The following LARGE1 variants were observed in gnomAD, a reference collection of about 807,000 sequenced individuals.
The protein encoded by LARGE1 is xylosyl- and glucuronyltransferase LARGE1.
LARGE1 carries 43 observed loss-of-function variants against 87.6 expected under a neutral mutation model. The ratio of observed to expected loss-of-function variants is 0.49; its 90% confidence interval spans 0.38 to 0.63. The LOEUF is 0.63. LARGE1 is among the 30% of genes least tolerant of loss of function. LARGE1 has a pLI of 0.00. For missense variants in LARGE1, 802 were observed against 1,000.2 expected (o/e 0.80, Z 2.67); for synonymous variants, 434 against 394.6 (o/e 1.10, Z -1.18).
intron 4 of LARGE1, among the ~76,000 whole-genome samples, chr22:33,610,894 C>T (rs184937478): frequency 6.6e-6 from 1 of 152,318 alleles, no homozygotes; most frequent in Non-Finnish European, 1.5e-5. Context: ...GTTCCAGCCT[C>T]AGCCCAAAGG....
At chr22:33,672,335 C>T (rs1450625728) in intron 2 of LARGE1, among the ~76,000 whole-genome samples, 1 of 152,222 alleles carries the variant, frequency 6.6e-6, no homozygotes, top group African/African-American at 2.4e-5. Flanking sequence ...TTAACCCTTC[C>T]ACCTCATTCC....
intron 2 of LARGE1, chr22:33,725,707 C>A (rs1424818342): frequency 6.6e-6 from 1 of 152,202 alleles, no homozygotes; most frequent in African/African-American, 2.4e-5. Flanking sequence ...GAACATCAGG[C>A]TTACATTTTC....
intron 4 of LARGE1, among the ~76,000 whole-genome samples, chr22:33,612,254 C>A (rs932748642): frequency 6.6e-6 from 1 of 152,166 alleles, no homozygotes; most frequent in Non-Finnish European, 1.5e-5. Context: ...CAGACACCCA[C>A]CACCATGCCC....
At chr22:33,476,679 T>C (rs966294070) in intron 6 of LARGE1, among the ~76,000 whole-genome samples, 4 of 152,042 alleles carry the variant, frequency 2.6e-5, no homozygotes, top group African/African-American at 7.3e-5. Flanking sequence ...TTTTTGGTTC[T>C]CTTCCCTATC....
At chr22:33,538,956 T>A (rs75657131) in intron 6 of LARGE1, among the ~76,000 whole-genome samples, 2,543 of 152,250 alleles carry the variant, frequency 0.017, 25 homozygotes, top group Middle Eastern at 0.034. Context: ...TGAAAATAAT[T>A]CAGTGGATCT....
chr22:33,802,353 C>T (rs993666253), intron 1 of LARGE1, among the ~76,000 whole-genome samples: 2 of 152,170 alleles, frequency 1.3e-5, no homozygotes, highest in Admixed American at 1.3e-4. Flanking sequence ...CTGAATGTTC[C>T]AGACTAGACA....
At position 33,565,899 on chromosome 22, in the gene LARGE1, C is replaced by T. The variant is rs113262754; in HGVS notation, c.616-880G>A. The stretch of plus-strand genomic sequence containing the variant: ...AATAAAAGCACCAGTGTGATGAAAG[C>T]TCTCATCTATGCACAGTCATTTATG... On this transcript the variant is annotated intron_variant, in intron 5 of 14. Transcript: ENST00000397394. Among the ~76,000 whole-genome samples the T allele has an allele frequency of 9.0e-3, 1,370 of 152,306 alleles. 15 individuals are homozygous for T. The highest frequency in any genetic ancestry group is 0.03 in the African/African-American group (1,249 of 41,548).
At chr22:33,921,036 C>CG (rs1456861617), upstream of LARGE1, among the ~76,000 whole-genome samples, 7 of 148,366 alleles carry the variant, frequency 4.7e-5, no homozygotes, top group African/African-American at 1.2e-4. This position sits in a 1 kb window ranked among gnomAD's most constrained non-coding sequence, Gnocchi z 4.1. Context: ...TCTGTGCAGC[C>CG]GGGGGGGACC....
At chr22:33,169,670 T>C (rs1038019662) in intron 11 of LARGE1, among the ~76,000 whole-genome samples, 1 of 151,622 alleles carries the variant, frequency 6.6e-6, no homozygotes, top group Non-Finnish European at 1.5e-5. Flanking sequence ...GCTAACATGG[T>C]GAAACCCCGC....
At position 33,810,001 on chromosome 22, in the gene LARGE1, C is replaced by T. The variant is rs117148682; in HGVS notation, c.-82-48443G>A. Among the ~76,000 whole-genome samples the T allele has an allele frequency of 5.6e-3, 846 of 152,126 alleles. 4 individuals carry two copies. The highest frequency in any genetic ancestry group is 8.7e-3 in the Non-Finnish European group (589 of 67,978). On this transcript the variant is annotated intron_variant, in intron 1 of 14. Transcript: ENST00000397394. ...CATTTCAAGCACTTGTAGTTATAGG[C>T]GGGTGTTGCTACCACCCAGGAGAGC... is the stretch of plus-strand genomic sequence containing the variant.
intron 1 of LARGE1, among the ~76,000 whole-genome samples, chr22:33,786,039 A>T (rs1269792411): frequency 6.6e-6 from 1 of 152,178 alleles, no homozygotes; most frequent in Admixed American, 6.5e-5. Flanking sequence ...GCCAAGTCTG[A>T]CAGCATCTTT....
chr22:33,625,233 G>A (rs1602785725), intron 4 of LARGE1, among the ~76,000 whole-genome samples: 1 of 152,192 alleles, frequency 6.6e-6, no homozygotes, highest in African/African-American at 2.4e-5. Context: ...TGTTAAAGCA[G>A]AGCCAAGGAC....
chr22:33,153,942 A>G, the LARGE1 span, among the ~76,000 whole-genome samples: 7 of 152,162 alleles, frequency 4.6e-5, no homozygotes, highest in Admixed American at 4.6e-4. Context: ...GTTGTATTAC[A>G]CCAGGATGTT....
chr22:33,341,804 A>G (rs996653698), intron 9 of LARGE1, among the ~76,000 whole-genome samples: 9 of 152,192 alleles, frequency 5.9e-5, no homozygotes, highest in Non-Finnish European at 2.9e-5. Flanking sequence ...GGTGGGGATC[A>G]GCAAGTAGGT....
chr22:33,135,385 A>C, the LARGE1 span, among the ~76,000 whole-genome samples: 1 of 152,206 alleles, frequency 6.6e-6, no homozygotes, highest in African/African-American at 2.4e-5. Flanking sequence ...CATTTATCTC[A>C]AAGATAAAAG....
intron 11 of LARGE1, among the ~76,000 whole-genome samples, chr22:33,309,526 A>C (rs907512399): frequency 6.6e-6 from 1 of 152,200 alleles, no homozygotes; most frequent in Non-Finnish European, 1.5e-5. Flanking sequence ...GTGAGGACAC[A>C]GTAATGAGGC....
intron 7 of LARGE1, among the ~76,000 whole-genome samples, chr22:33,419,547 A>T (rs1169782015): frequency 1.3e-5 from 2 of 152,028 alleles, no homozygotes; most frequent in African/African-American, 2.4e-5. Flanking sequence ...TCTTAGCTCA[A>T]ATGTCGTCTT....
intron 11 of LARGE1, among the ~76,000 whole-genome samples, chr22:33,254,503 A>G (rs1927162051): frequency 6.6e-6 from 1 of 152,350 alleles, no homozygotes; most frequent in South Asian, 2.1e-4. Context: ...AATGTGCTAC[A>G]TATCACTGTG....
the LARGE1 span, among the ~76,000 whole-genome samples, chr22:33,103,831 G>T: frequency 6.6e-6 from 1 of 152,100 alleles, no homozygotes. Context: ...AATCATGGGG[G>T]TGGTTTCCCT....
Sources: gnomAD v4.1 joint callset for allele counts (sites outside exome capture counted in the v4.1 genomes callset) on GRCh38, gnomAD v4.1.1 for gene constraint, Gnocchi (gnomAD v3.1) non-coding constraint, MANE v1.5 for transcripts, NCBI Gene and HGNC (gene_info 2026-07-23, HGNC 2026-07-21) for gene names.